MAPKAP1: variants seen among roughly 807,000 people sequenced by gnomAD.
The protein encoded by MAPKAP1 is MAPK associated protein 1.
A neutral mutation model predicts 65.7 loss-of-function variants in MAPKAP1; 20 were observed. The ratio of observed to expected loss-of-function variants is 0.30; its 90% CI spans 0.21 to 0.44. The LOEUF (loss-of-function observed/expected upper bound fraction) is 0.44, where lower values mean the gene tolerates loss of function less well. Among genes scored for constraint, MAPKAP1 ranks in the 20% least tolerant of loss-of-function variants. The pLI, the probability that MAPKAP1 is intolerant of heterozygous loss-of-function variation, is 1.00. For missense variants in MAPKAP1, 423 were observed against 648.0 expected, an observed-to-expected ratio of 0.65 and a Z score of 3.77; for synonymous variants, 222 against 244.3, an observed-to-expected ratio of 0.91 and a Z score of 0.85.
chr9:125,470,324 T>C (rs1202388858), intron 9 of MAPKAP1, among the ~76,000 whole-genome samples: 1 of 152,104 alleles, frequency 6.6e-6, no homozygotes, highest in Admixed American at 6.5e-5. Flanking sequence ...CCGTACTGAG[T>C]TTGGTTCTGG....
At chr9:125,607,566 G>T (rs1190969119) in intron 4 of MAPKAP1, among the ~76,000 whole-genome samples, 1 of 152,236 alleles carries the variant, frequency 6.6e-6, no homozygotes, top group African/African-American at 2.4e-5. Context: ...GCTAACTGGG[G>T]ATGTCTAACT....
At chr9:125,474,506 C>T (rs1476573431) in intron 9 of MAPKAP1, among the ~76,000 whole-genome samples, 1 of 152,174 alleles carries the variant, frequency 6.6e-6, no homozygotes, top group Non-Finnish European at 1.5e-5. Context: ...GATCATTCTC[C>T]TCTGTAAAAT....
chr9:125,621,629 A>C (rs1201310089), intron 4 of MAPKAP1, among the ~76,000 whole-genome samples: 1 of 152,354 alleles, frequency 6.6e-6, no homozygotes, highest in Middle Eastern at 3.4e-3. Flanking sequence ...TCAGATAAGA[A>C]GTTAACAAAG....
chr9:125,457,150 G>A (rs1853204919), intron 10 of MAPKAP1, among the ~76,000 whole-genome samples: 1 of 151,944 alleles, frequency 6.6e-6, no homozygotes. Flanking sequence ...CACCATGCCT[G>A]GCTAATTTTT....
intron 4 of MAPKAP1, among the ~76,000 whole-genome samples, chr9:125,605,701 AAT>A (rs1832421858): frequency 6.6e-6 from 1 of 152,158 alleles, no homozygotes. Context: ...AGTCAGCTGG[AAT>A]TTGGCTCCAG....
chr9:125,584,753 T>C (rs988825598), intron 5 of MAPKAP1, among the ~76,000 whole-genome samples: 1 of 152,138 alleles, frequency 6.6e-6, no homozygotes, highest in African/African-American at 2.4e-5. Flanking sequence ...AATGAAGGCA[T>C]CTACTACATT....
chr9:125,440,449 A>G (rs547811993), intron 11 of MAPKAP1, among the ~76,000 whole-genome samples: 12 of 152,278 alleles, frequency 7.9e-5, no homozygotes, highest in African/African-American at 2.9e-4. Flanking sequence ...CAAGTATCTA[A>G]AAGTTTTGAC....
intron 6 of MAPKAP1, 28 bp downstream of exon 6, chr9:125,559,605 C>A: frequency 1.3e-6 from 2 of 1,572,710 alleles, no homozygotes; most frequent in Non-Finnish European, 8.7e-7. Context: ...GATGAGATAC[C>A]GAGAGAAGTA....
intron 7 of MAPKAP1, among the ~76,000 whole-genome samples, chr9:125,531,258 C>A (rs1251070188): frequency 6.6e-6 from 1 of 152,220 alleles, no homozygotes; most frequent in African/African-American, 2.4e-5. Context: ...CAACCTTTGG[C>A]CATTTGGCTT....
Position 125,595,965 on chromosome 9 carries a change from C to T in MAPKAP1, c.499-10238G>A. On this transcript the variant is annotated intron_variant, in intron 4 of 11. Coordinates refer to ENST00000265960, the MANE Select transcript of MAPKAP1 (RefSeq NM_001006617.3). This position sits in a 1 kb window ranked among gnomAD's most constrained non-coding sequence, Gnocchi z 4.0. The stretch of plus-strand genomic sequence containing the variant: ...AGAAGATTCTCAAAGACCAGGTGCC[C>T]ACTTAACTGTGAAAAAGATATTTGT... 1.3e-6 allele frequency: 2 copies of T among 1,494,500 alleles called. No homozygotes were observed. Among genetic ancestry groups the T allele is most frequent in the African/African-American group, 1.4e-5 (1 of 72,912 alleles). 92.6% of individuals were successfully genotyped at this position (1,494,500 alleles called of 1,614,324 possible).
chr9:125,448,174 C>T (rs138287511), intron 10 of MAPKAP1, among the ~76,000 whole-genome samples: 1 of 152,232 alleles, frequency 6.6e-6, no homozygotes, highest in East Asian at 1.9e-4. Flanking sequence ...TTGAGCTAGA[C>T]AGGTGCAGAA....
chr9:125,457,655 T>G (rs1185121524), intron 10 of MAPKAP1, among the ~76,000 whole-genome samples: 2 of 152,268 alleles, frequency 1.3e-5, no homozygotes, highest in Admixed American at 6.5e-5. Context: ...ATCAGTTTGA[T>G]CCTTTCAAGA....
chr9:125,609,689 T>C (rs950836499), intron 4 of MAPKAP1, among the ~76,000 whole-genome samples: 8 of 152,156 alleles, frequency 5.3e-5, no homozygotes, highest in African/African-American at 9.7e-5. Flanking sequence ...CCTGAGTGCC[T>C]TTCTCGTTTT....
intron 4 of MAPKAP1, among the ~76,000 whole-genome samples, chr9:125,611,616 C>A (rs1401883303): frequency 2.0e-5 from 3 of 152,160 alleles, no homozygotes; most frequent in African/African-American, 7.2e-5. Flanking sequence ...GAAAGAAGAT[C>A]TGTATCTTAA....
intron 8 of MAPKAP1, among the ~76,000 whole-genome samples, chr9:125,486,779 C>T (rs1854511289): frequency 6.6e-6 from 1 of 152,096 alleles, no homozygotes; most frequent in African/African-American, 2.4e-5. Flanking sequence ...GCTGTCCTCT[C>T]TGCCCAGGTC....
At chr9:125,483,410 C>CT (rs1854387750) in intron 9 of MAPKAP1, among the ~76,000 whole-genome samples, 1 of 152,192 alleles carries the variant, frequency 6.6e-6, no homozygotes, top group African/African-American at 2.4e-5. Context: ...TTTGAGGCCT[C>CT]TTACGAGTTA....
chr9:125,555,506 C>G (rs1830711815), intron 6 of MAPKAP1, among the ~76,000 whole-genome samples: 1 of 152,204 alleles, frequency 6.6e-6, no homozygotes, highest in African/African-American at 2.4e-5. Flanking sequence ...GTGAGGGCCT[C>G]TAAAGGTCAG....
At chr9:125,575,763 T>C (rs1017057886) in intron 5 of MAPKAP1, among the ~76,000 whole-genome samples, 10 of 152,210 alleles carry the variant, frequency 6.6e-5, no homozygotes, top group African/African-American at 2.2e-4. Flanking sequence ...GAATGCCAAA[T>C]GGTATGACCA....
chr9:125,571,746 C>G (rs1034157706), intron 5 of MAPKAP1, among the ~76,000 whole-genome samples: 1 of 152,048 alleles, frequency 6.6e-6, no homozygotes, highest in Non-Finnish European at 1.5e-5. Context: ...GCCTGTAATC[C>G]CAGCTATTCG....
Sources: allele counts gnomAD v4.1 joint callset (sites outside exome capture counted in the v4.1 genomes callset), GRCh38; gene constraint gnomAD v4.1.1; non-coding constraint Gnocchi (gnomAD v3.1); transcripts MANE v1.5; gene names NCBI Gene and HGNC (gene_info 2026-07-23, HGNC 2026-07-21).